The following SEMA3B variants were observed in gnomAD, a reference collection of about 807,000 sequenced individuals.
SEMA3B encodes semaphorin-3B.
SEMA3B carries 71 observed loss-of-function variants against 77.8 expected under a neutral mutation model. That is an observed-to-expected ratio of 0.91 (90% CI 0.75 to 1.11). SEMA3B has a LOEUF of 1.11. Among genes scored for constraint, SEMA3B ranks in the 50% most tolerant of loss-of-function variants. The pLI, the probability that SEMA3B is intolerant of heterozygous loss-of-function variation, is 0.00. For synonymous variants in SEMA3B, 470 were observed against 452.9 expected (o/e 1.04, Z -0.48); for missense variants, 968 against 1,056.8 (o/e 0.92, Z 1.17).
In SEMA3B at chr3:50,274,350, C is replaced by A; in HGVS notation, c.1138-13C>A. On this transcript the variant is annotated splice_polypyrimidine_tract_variant and intron_variant, in intron 10 of 16. Coordinates refer to ENST00000616701, the MANE Select transcript of SEMA3B (RefSeq NM_001290060.2). The surrounding 1 kb of genome is among the most constrained non-coding windows in gnomAD (Gnocchi z 4.7). Reference sequence around the variant, plus strand: ...CTATATCCCTGCTGTGCCTCCCTTTCCCCCACCCCCAGTGCCCCAGCAAGA... The same window carrying A: ...CTATATCCCTGCTGTGCCTCCCTTTACCCCACCCCCAGTGCCCCAGCAAGA... 1.3e-6 allele frequency: 2 copies of A among 1,488,680 alleles called. No homozygotes were observed. Among genetic ancestry groups the A allele is most frequent in the Non-Finnish European group, 1.8e-6 (2 of 1,118,002 alleles). The allele number at this position is 1,488,680 out of a possible 1,614,324, so 92.2% of individuals were successfully genotyped here. A position where few individuals can be genotyped will look rare whatever the true frequency, so the allele number is the denominator to read the frequency against.
Position 50,273,276 on chromosome 3 carries a change from C to G in SEMA3B, c.665-22C>G. Reference sequence around the variant, plus strand: ...GGAGGCAAGGCCAGGACCCGCTGACCCATGCCTCCTGCCGCGGTCAGAGCC... The same window carrying G: ...GGAGGCAAGGCCAGGACCCGCTGACGCATGCCTCCTGCCGCGGTCAGAGCC... On this transcript the variant is annotated intron_variant, in intron 6 of 16. Coordinates refer to ENST00000616701, the MANE Select transcript of SEMA3B (RefSeq NM_001290060.2). This position sits in a 1 kb window ranked among gnomAD's most constrained non-coding sequence, Gnocchi z 6.5. The G allele has an allele frequency of 1.9e-6, 3 of 1,609,212 alleles. No individual in the cohort carries two copies. Among genetic ancestry groups the G allele is most frequent in the Non-Finnish European group, 2.5e-6 (3 of 1,177,656 alleles).
Position 50,276,398 on chromosome 3 carries a change from G to A in SEMA3B, c.1942G>A (p.Glu648Lys), listed in dbSNP as rs782395732. The A allele has an allele frequency of 6.5e-7, 1 of 1,536,580 alleles. No individual in the cohort carries two copies. Among genetic ancestry groups the A allele is most frequent in the African/African-American group, 1.4e-5 (1 of 72,976 alleles). ...DSGVYLCAAV[E>K]QGFTQPLRRL... is the part of the protein sequence containing the mutation. ...GGGCGTGTACTTGTGCGCCGCCGTC[G>A]AGCAGGGCTTTACGCAACCGCTGCG... Residue 648 changes from glutamate (E) to lysine (K), a missense_variant, in exon 17 of 17, where the codon GAG (glutamate) becomes AAG (lysine). Coordinates refer to ENST00000616701, the MANE Select transcript of SEMA3B (RefSeq NM_001290060.2). This position sits in a 1 kb window ranked among gnomAD's most constrained non-coding sequence, Gnocchi z 5.8.
chr3:50,269,110 ACT>A, upstream of SEMA3B: 1 of 662,630 alleles, frequency 1.5e-6, no homozygotes. The surrounding 1 kb of genome is among the most constrained non-coding windows in gnomAD (Gnocchi z 4.0). Context: ...ATCCCTGGGG[ACT>A]CCCCCCCTAG....
rs992021001 is a variant in SEMA3B at position 50,274,168 on chromosome 3, G to C, written c.1137+111G>C. 8.6e-6 allele frequency: 13 copies of C among 1,509,226 alleles called. No homozygotes were observed. Among genetic ancestry groups the C allele is most frequent in the Non-Finnish European group, 1.2e-5 (13 of 1,116,674 alleles). 93.5% of individuals were successfully genotyped at this position (1,509,226 alleles called of 1,614,324 possible). A position where few individuals can be genotyped will look rare whatever the true frequency, so the allele number is the denominator to read the frequency against. ...GGTTTCTTCCTTTAGTTATGGGTGG[G>C]AAAACGTTTCCATCATAAGACAAGG... On this transcript the variant is annotated intron_variant, in intron 10 of 16. Transcript: ENST00000616701. The surrounding 1 kb of genome is among the most constrained non-coding windows in gnomAD (Gnocchi z 4.7).
chr3:50,273,505 C>T lies in SEMA3B; in HGVS notation c.811-30C>T, dbSNP rs1317525344. ...CCTACCCCTTTGCCTGCCCTGGTCT[C>T]GCCCTCATCCCCTTTGATCGTCCCG... On this transcript the variant is annotated intron_variant, in intron 7 of 16. Transcript: ENST00000616701. The surrounding 1 kb of genome is among the most constrained non-coding windows in gnomAD (Gnocchi z 6.5). The T allele has an allele frequency of 6.2e-7, 1 of 1,609,986 alleles. No homozygotes were observed. Among genetic ancestry groups the T allele is most frequent in the African/African-American group, 1.3e-5 (1 of 74,844 alleles).
Position 50,276,481 on chromosome 3 carries a change from G to A in SEMA3B, c.2025G>A (p.Glu675=). 6.5e-7 allele frequency: 1 copy of A among 1,531,456 alleles called. No individual in the cohort carries two copies. Among genetic ancestry groups the A allele is most frequent in the Non-Finnish European group, 8.7e-7 (1 of 1,143,726 alleles). 94.9% of individuals were successfully genotyped at this position (1,531,456 alleles called of 1,614,324 possible). A position where few individuals can be genotyped will look rare whatever the true frequency, so the allele number is the denominator to read the frequency against. Residue 675 remains glutamate, a synonymous_variant, in exon 17 of 17, where the codon GAG becomes GAA. Transcript: ENST00000616701. The surrounding 1 kb of genome is among the most constrained non-coding windows in gnomAD (Gnocchi z 5.8). The part of the protein sequence containing the change: ...ATQAERLARA[E]EAAPAAPPGP... ...AGGCCGAACGACTGGCGCGGGCCGA[G>A]GAGGCTGCGCCCGCCGCGCCGCCGG...
At position 50,274,527 on chromosome 3, in the gene SEMA3B, C is replaced by G; in HGVS notation, c.1302C>G (p.Ala434=). Residue 434 remains alanine, a synonymous_variant, in exon 11 of 17, where the codon GCC becomes GCG. Coordinates refer to ENST00000616701, the MANE Select transcript of SEMA3B (RefSeq NM_001290060.2). The surrounding 1 kb of genome is among the most constrained non-coding windows in gnomAD (Gnocchi z 4.7). The stretch of plus-strand genomic sequence containing the variant: ...CCAATTACACCTTCACTCAAATTGC[C>G]GCGGACCGGGTTGCAGCCGCTGACG... ...VGANYTFTQI[A]ADRVAAADGH... 1 of 1,572,430 alleles carries G rather than the reference C, an allele frequency of 6.4e-7. No individual in the cohort carries two copies. The highest frequency in any genetic ancestry group is 8.6e-7 in the Non-Finnish European group (1 of 1,160,096).
In SEMA3B at chr3:50,277,406, G is replaced by A. The variant is rs1553707130; in HGVS notation, c.*700G>A. 1 of 152,062 alleles carries A rather than the reference G, an allele frequency of 6.6e-6. No homozygotes were observed. Among genetic ancestry groups the A allele is most frequent in the African/African-American group, 2.4e-5 (1 of 41,388 alleles). The allele number at this position is 152,062 out of a possible 1,614,324, so 9.4% of individuals were successfully genotyped here. ...TCTGTACTAAAAATACAAAAAATTAGTCGGGCGTGGTGGCGGGCGCCTGTA... is the reference window on the plus strand; with the variant it reads ...TCTGTACTAAAAATACAAAAAATTAATCGGGCGTGGTGGCGGGCGCCTGTA... On this transcript the variant is annotated 3_prime_UTR_variant, in exon 17 of 17. Transcript: ENST00000616701.
chr3:50,260,585 C>G, the SEMA3B span: 9 of 152,316 alleles, frequency 5.9e-5, no homozygotes, highest in Non-Finnish European at 1.2e-4. Context: ...CTTTCAGAGG[C>G]CCAGGCCTGG....
chr3:50,269,275 G>A lies in SEMA3B; in HGVS notation c.35G>A (p.Gly12Asp). The change falls in exon 1 of 17, where the codon GGC becomes GAC. Residue 12 changes from glycine to aspartate, a missense_variant. Physicochemically the swap from Gly to Asp is moderately conservative, Grantham distance 94 (BLOSUM62 -1). Coordinates refer to ENST00000616701, the MANE Select transcript of SEMA3B (RefSeq NM_001290060.2). This position sits in a 1 kb window ranked among gnomAD's most constrained non-coding sequence, Gnocchi z 4.0. ...GRAGAAAVIP[G>D]LALLWAVGLG... ...GCCGGGGCTGCCGCCGTGATCCCGG[G>A]CCTGGCCCTGCTCTGGGCAGTGGGG... is the stretch of plus-strand genomic sequence containing the variant. The A allele has an allele frequency of 6.5e-7, 1 of 1,538,304 alleles. No individual in the cohort carries two copies. The highest frequency in any genetic ancestry group is 8.7e-7 in the Non-Finnish European group (1 of 1,146,636).
chr3:50,264,262 A>G (rs1369079515), upstream of SEMA3B, among the ~76,000 whole-genome samples: 1 of 151,930 alleles, frequency 6.6e-6, no homozygotes, highest in Non-Finnish European at 1.5e-5. Context: ...GCAAAAGGGG[A>G]CAAGAGAGGA....
At chr3:50,267,303 A>G (rs1383407969), upstream of SEMA3B, 3 of 152,296 alleles carry the variant, frequency 2.0e-5, no homozygotes, top group Admixed American at 2.0e-4. The surrounding 1 kb of genome is among the most constrained non-coding windows in gnomAD (Gnocchi z 5.7). Flanking sequence ...AGGTTGAGAT[A>G]TTGGAGTCCA....
chr3:50,263,603 C>A (rs909319785), upstream of SEMA3B, among the ~76,000 whole-genome samples: 2 of 151,030 alleles, frequency 1.3e-5, no homozygotes, highest in Non-Finnish European at 2.9e-5. Flanking sequence ...CTCTCTGAGT[C>A]AGGGGTCAGG....
upstream of SEMA3B, among the ~76,000 whole-genome samples, chr3:50,267,952 C>T (rs587675644): frequency 6.6e-6 from 1 of 152,214 alleles, no homozygotes; most frequent in African/African-American, 2.4e-5. The surrounding 1 kb of genome is among the most constrained non-coding windows in gnomAD (Gnocchi z 5.7). Context: ...CCCAGCTGAC[C>T]CCTGGGAAGG....
At position 50,275,099 on chromosome 3, in the gene SEMA3B, G is replaced by A. The variant is rs1553706266; in HGVS notation, c.1491+46G>A. 1 of 1,537,110 alleles carries A rather than the reference G, an allele frequency of 6.5e-7. No homozygotes were observed. The highest frequency in any genetic ancestry group is 8.8e-7 in the Non-Finnish European group (1 of 1,139,354). On this transcript the variant is annotated intron_variant, in intron 13 of 16. Transcript: ENST00000616701. The surrounding 1 kb of genome is among the most constrained non-coding windows in gnomAD (Gnocchi z 7.5). ...TCGGGGTGGGATGGACTGAGCTTGT[G>A]CCTGGCGCGTCCCAAGCCTCTGGCC...
chr3:50,274,904 G>C lies in SEMA3B; in HGVS notation c.1419G>C (p.Gly473=), dbSNP rs782596963. ...VPKGSRPSAE[G]LLLEELHVFE... ...AGGGCAGTAGGCCCAGCGCAGAGGG[G>C]CTGCTCCTGGAGGAGCTGCACGTGT... Residue 473 remains glycine, a synonymous_variant, in exon 12 of 17, where the codon GGG becomes GGC. Coordinates refer to ENST00000616701, the MANE Select transcript of SEMA3B (RefSeq NM_001290060.2). This position sits in a 1 kb window ranked among gnomAD's most constrained non-coding sequence, Gnocchi z 4.7. The C allele has an allele frequency of 6.2e-7, 1 of 1,610,778 alleles. No individual in the cohort carries two copies. The highest frequency in any genetic ancestry group is 1.7e-5 in the Admixed American group (1 of 59,966).
At chr3:50,267,560 A>C (rs1700931180), upstream of SEMA3B, 1 of 151,806 alleles carries the variant, frequency 6.6e-6, no homozygotes, top group South Asian at 2.1e-4. The surrounding 1 kb of genome is among the most constrained non-coding windows in gnomAD (Gnocchi z 5.7). Flanking sequence ...CGCCCTCTAA[A>C]CTTTACGGCA....
At chr3:50,260,921 C>T in the SEMA3B span, 1 of 152,312 alleles carries the variant, frequency 6.6e-6, no homozygotes, top group Non-Finnish European at 1.5e-5. Context: ...GGGCATAAGG[C>T]TCCATTGTCC....
Position 50,273,538 on chromosome 3 carries a change from G to C in SEMA3B, c.814G>C (p.Asp272His), listed in dbSNP as rs781879831. 3.1e-6 allele frequency: 5 copies of C among 1,612,466 alleles called. No individual in the cohort carries two copies. Among genetic ancestry groups the C allele is most frequent in the Non-Finnish European group, 4.2e-6 (5 of 1,179,094 alleles). Residue 272 changes from aspartate (D) to histidine (H), a missense_variant, in exon 8 of 17, where the codon GAC becomes CAC. Coordinates refer to ENST00000616701, the MANE Select transcript of SEMA3B (RefSeq NM_001290060.2). The surrounding 1 kb of genome is among the most constrained non-coding windows in gnomAD (Gnocchi z 6.5). ...VSRVGQICRN[D>H]VGGQRSLVNK... ...TCCCCTTTGATCGTCCCGGCAGAAC[G>C]ACGTGGGCGGCCAGCGCAGCCTGGT...
Sources: allele counts gnomAD v4.1 joint callset (sites outside exome capture counted in the v4.1 genomes callset), GRCh38; gene constraint gnomAD v4.1.1; non-coding constraint Gnocchi (gnomAD v3.1); transcripts MANE v1.5; gene names NCBI Gene and HGNC (gene_info 2026-07-23, HGNC 2026-07-21).